The following SGTA variants were observed in gnomAD, a reference collection of about 807,000 sequenced individuals.
SGTA encodes small glutamine-rich tetratricopeptide repeat-containing protein alpha.
A neutral mutation model predicts 44.3 loss-of-function variants in SGTA; 22 were observed. That is an observed-to-expected ratio of 0.50 (90% CI 0.36 to 0.71). The LOEUF is 0.71. Ranked by LOEUF, SGTA falls within the 30% of genes least tolerant of loss-of-function variation. The probability of loss-of-function intolerance (pLI) is 0.00; values close to 1 mark genes in which losing one functional copy is unlikely to be tolerated. For missense variants in SGTA, 341 were observed against 435.9 expected (o/e 0.78, Z 1.94); for synonymous variants, 174 against 177.6 (o/e 0.98, Z 0.16).
intron 9 of SGTA, among the ~76,000 whole-genome samples, chr19:2,758,814 G>C (rs371232531): frequency 9.8e-5 from 15 of 152,340 alleles, no homozygotes; most frequent in African/African-American, 3.6e-4. Flanking sequence ...AAAGGAGCGA[G>C]GCCCTGACCC....
At chr19:2,762,290 G>A (rs992374301) in intron 7 of SGTA, among the ~76,000 whole-genome samples, 1 of 152,170 alleles carries the variant, frequency 6.6e-6, no homozygotes. Context: ...TCCGCGGGCA[G>A]CCCTGCGGCC....
rs1301795614 is a variant in SGTA at position 2,768,884 on chromosome 19, A to C, written c.100+85T>G. On this transcript the variant is annotated intron_variant, in intron 2 of 11. Transcript: ENST00000221566. The stretch of plus-strand genomic sequence containing the variant: ...CCCCCAAAAAGCCAGGCGGGGGACC[A>C]GGCATCTACACACCAGGTGTCTACA... The C allele has an allele frequency of 6.2e-6, 6 of 966,784 alleles. No individual in the cohort carries two copies. The African/African-American group carries it at 9.7e-5, about 16-fold the overall frequency. 59.9% of individuals were successfully genotyped at this position (966,784 alleles called of 1,614,324 possible).
intron 1 of SGTA, chr19:2,782,714 T>G (rs1439929834): frequency 6.6e-6 from 1 of 152,220 alleles, no homozygotes; most frequent in Non-Finnish European, 1.5e-5. Context: ...CAGATTCCGC[T>G]GGACCCTGCG....
At chr19:2,776,387 C>T (rs748684961) in intron 1 of SGTA, among the ~76,000 whole-genome samples, 4 of 152,234 alleles carry the variant, frequency 2.6e-5, no homozygotes, top group Non-Finnish European at 5.9e-5. Context: ...GAAATCCTGA[C>T]CAGGCTACAA....
Position 2,767,225 on chromosome 19 carries a change from A to T in SGTA, c.208-5T>A. 6.2e-7 allele frequency: 1 copy of T among 1,605,874 alleles called. No individual in the cohort carries two copies. On this transcript the variant is annotated splice_polypyrimidine_tract_variant and splice_region_variant and intron_variant, in intron 3 of 11. Coordinates refer to ENST00000221566, the MANE Select transcript of SGTA (RefSeq NM_003021.4). The surrounding 1 kb of genome is among the most constrained non-coding windows in gnomAD (Gnocchi z 7.3). ...CCTCAGGTCCTGCGGCATCTCCTGG[A>T]CCCGGAGGCAAAGGCGGCCCGCTGT...
Sources: gnomAD v4.1 joint callset for allele counts (sites outside exome capture counted in the v4.1 genomes callset) on GRCh38, gnomAD v4.1.1 for gene constraint, Gnocchi (gnomAD v3.1) non-coding constraint, MANE v1.5 for transcripts, NCBI Gene and HGNC (gene_info 2026-07-23, HGNC 2026-07-21) for gene names.